The following HTR3D variants were observed in gnomAD, a reference collection of about 807,000 sequenced individuals.
HTR3D encodes the protein 5-hydroxytryptamine (serotonin) receptor 3 family member D.
Under a neutral mutation model 45.8 loss-of-function variants are expected in HTR3D, and 47 were observed. That is an observed-to-expected ratio of 1.03 (90% CI 0.81 to 1.31). The LOEUF is 1.31. Ranked by LOEUF, HTR3D falls within the 50% of genes most tolerant of loss-of-function variation. The probability of loss-of-function intolerance (pLI) is 0.00; values close to 1 mark genes in which losing one functional copy is unlikely to be tolerated. For missense variants in HTR3D, 448 were observed against 506.9 expected, an observed-to-expected ratio of 0.88 and a Z score of 1.12; for synonymous variants, 203 against 199.8, an observed-to-expected ratio of 1.02 and a Z score of -0.13.
chr3:184,035,910 C>T (rs1433864536), intron 2 of HTR3D, 105 bp from the exon 3 acceptor site: 1 of 1,148,604 alleles, frequency 8.7e-7, no homozygotes, highest in East Asian at 2.6e-5. Flanking sequence ...CTAGGCTGGT[C>T]CTGAACTCCT....
chr3:184,037,876 G>T, intron 5 of HTR3D, 145 bp from the exon 6 acceptor site: 4 of 990,284 alleles, frequency 4.0e-6, no homozygotes, highest in Non-Finnish European at 5.8e-6. Context: ...GCCTTTGGAT[G>T]AAAAGACCGG....
At chr3:184,032,819 T>C (rs1722785903) in intron 1 of HTR3D, 3 of 1,539,802 alleles carry the variant, frequency 1.9e-6, no homozygotes, top group South Asian at 1.2e-5. Flanking sequence ...CAGTGCCCCC[T>C]GTTTTCTCTC....
chr3:184,038,122 A>G lies in HTR3D; in HGVS notation c.618A>G (p.Pro206=). 3 of 1,614,122 alleles carry G rather than the reference A, an allele frequency of 1.9e-6. No homozygotes were observed. The highest frequency in any genetic ancestry group is 2.5e-6 in the Non-Finnish European group (3 of 1,180,024). Residue 206 remains proline, a synonymous_variant, in exon 6 of 8, where the codon CCA becomes CCG. Coordinates refer to ENST00000428798, the MANE Select transcript of HTR3D (RefSeq NM_001145143.1). The surrounding 1 kb of genome is among the most constrained non-coding windows in gnomAD (Gnocchi z 4.5). ...TCGATGCCCTCAGTTTCTACCTGCC[A>G]CTGGAAAGTGGGAATTGTGCCCCAT... is the stretch of plus-strand genomic sequence containing the variant. ...IAIDALSFYL[P]LESGNCAPFK...
At position 184,038,900 on chromosome 3, in the gene HTR3D, C is replaced by T. The variant is rs531431472; in HGVS notation, c.1140C>T (p.Asp380=). The change falls in exon 8 of 8, where the codon GAC becomes GAT. Residue 380 remains aspartate, a synonymous_variant. Transcript: ENST00000428798. This position sits in a 1 kb window ranked among gnomAD's most constrained non-coding sequence, Gnocchi z 4.5. ...ELWVQFSHAM[D]ALLFRLYLLF... is the part of the protein sequence containing the mutation. Reference sequence around the variant, plus strand: ...GGGTGCAGTTCAGCCACGCGATGGACGCCCTGCTCTTCCGCCTCTACCTGC... The same window carrying T: ...GGGTGCAGTTCAGCCACGCGATGGATGCCCTGCTCTTCCGCCTCTACCTGC... 59 of 1,614,220 alleles carry T rather than the reference C, an allele frequency of 3.7e-5. 1 individual carries two copies. The Middle Eastern group carries it at 2.8e-3, about 77-fold the overall frequency.
chr3:184,035,916 C>G (rs1722871814), intron 2 of HTR3D, 99 bp from the exon 3 acceptor site: 2 of 1,237,912 alleles, frequency 1.6e-6, no homozygotes, highest in Admixed American at 4.9e-5. Flanking sequence ...TGGTCCTGAA[C>G]TCCTGACCTT....
At chr3:184,035,259 G>T (rs1236212200) in intron 2 of HTR3D, 37 bp downstream of exon 2, 1 of 1,533,942 alleles carries the variant, frequency 6.5e-7, no homozygotes. Flanking sequence ...CTCTACTCTG[G>T]TGCCTCTCTT....
Position 184,038,220 on chromosome 3 carries a change from C to T in HTR3D, c.716C>T (p.Thr239Ile), listed in dbSNP as rs767264778. The change falls in exon 6 of 8, where the codon ACT becomes ATT. Residue 239 changes from threonine to isoleucine, a missense_variant. Thr to Ile is a moderately conservative substitution (Grantham distance 89). Transcript: ENST00000428798. This position sits in a 1 kb window ranked among gnomAD's most constrained non-coding sequence, Gnocchi z 4.5. ...AATGACTTGCTCCCAGCCACTAGCA[C>T]TTCATCACATGCTTCACTAGTACGT... Reference protein sequence around the residue: ...MMNDLLPATSTSSHASLVRPH... With the variant: ...MMNDLLPATSISSHASLVRPH... 1.7e-5 allele frequency: 28 copies of T among 1,614,202 alleles called. No individual in the cohort carries two copies. Among genetic ancestry groups the T allele is most frequent in the Non-Finnish European group, 4.2e-6 (5 of 1,180,026 alleles).
chr3:184,036,036 G>A lies in HTR3D; in HGVS notation c.133G>A (p.Gly45Ser), dbSNP rs754032433. 1 of 1,551,596 alleles carries A rather than the reference G, an allele frequency of 6.4e-7. No homozygotes were observed. The highest frequency in any genetic ancestry group is 1.2e-5 in the South Asian group (1 of 84,054). Residue 45 changes from glycine (G) to serine (S), a missense_variant, in exon 3 of 8, where the codon GGC (glycine) becomes AGC (serine). Physicochemically the swap from Gly to Ser is moderately conservative, Grantham distance 56 (BLOSUM62 0). Coordinates refer to ENST00000428798, the MANE Select transcript of HTR3D (RefSeq NM_001145143.1). ...GCAGTGGAACCCAGATGAATGCGGA[G>A]GCATCAAGAAGTCCGGCATGGCAAC... ...LNMWNPDECG[G>S]IKKSGMATEN... is the part of the protein sequence containing the mutation.
At chr3:184,032,684 T>C (rs548806268) in intron 1 of HTR3D, 3 of 655,700 alleles carry the variant, frequency 4.6e-6, no homozygotes, top group East Asian at 5.5e-5. Context: ...AGGTTTTGCA[T>C]GGGGACAAAA....
At position 184,038,412 on chromosome 3, in the gene HTR3D, T is replaced by A; in HGVS notation, c.773T>A (p.Val258Asp). ...ATGCAGACCCCCTTGCCTGCAGGTG[T>A]CTACTTCGCCCTGTGCCTGTCCCTG... is the stretch of plus-strand genomic sequence containing the variant. ...PHPSRDQKRGVYFALCLSLMV... is the reference protein window; with the variant it reads ...PHPSRDQKRGDYFALCLSLMV... Residue 258 changes from valine to aspartate, a missense_variant, in exon 7 of 8, where the codon GTC becomes GAC. Transcript: ENST00000428798. The surrounding 1 kb of genome is among the most constrained non-coding windows in gnomAD (Gnocchi z 4.5). 1.9e-6 allele frequency: 3 copies of A among 1,614,126 alleles called. No individual in the cohort carries two copies. Among genetic ancestry groups the A allele is most frequent in the Non-Finnish European group, 2.5e-6 (3 of 1,180,018 alleles).
In HTR3D at chr3:184,038,017, C is replaced by G; in HGVS notation, c.517-4C>G. On this transcript the variant is annotated splice_polypyrimidine_tract_variant and splice_region_variant and intron_variant, in intron 5 of 7. Coordinates refer to ENST00000428798, the MANE Select transcript of HTR3D (RefSeq NM_001145143.1). The surrounding 1 kb of genome is among the most constrained non-coding windows in gnomAD (Gnocchi z 4.5). Reference sequence around the variant, plus strand: ...CACTTGCCCCTCCTTCTCCTCCCCACCAGGTGGCCATCAGGCGCAGGTGCA... The same window carrying G: ...CACTTGCCCCTCCTTCTCCTCCCCAGCAGGTGGCCATCAGGCGCAGGTGCA... 2 of 1,613,106 alleles carry G rather than the reference C, an allele frequency of 1.2e-6. No individual in the cohort carries two copies. Among genetic ancestry groups the G allele is most frequent in the East Asian group, 4.5e-5 (2 of 44,854 alleles).
intron 1 of HTR3D, among the ~76,000 whole-genome samples, chr3:184,033,378 C>T (rs1006809622): frequency 6.6e-6 from 1 of 152,054 alleles, no homozygotes; most frequent in Admixed American, 6.5e-5. Context: ...TCTGGGATTA[C>T]AGGCATGAGC....
chr3:184,038,785 G>T lies in HTR3D; in HGVS notation c.1025G>T (p.Gly342Val). The change falls in exon 8 of 8, where the codon GGC becomes GTC. Residue 342 changes from glycine to valine, a missense_variant. Physicochemically the swap from Gly to Val is moderately radical, Grantham distance 109 (BLOSUM62 -3). Coordinates refer to ENST00000428798, the MANE Select transcript of HTR3D (RefSeq NM_001145143.1). This position sits in a 1 kb window ranked among gnomAD's most constrained non-coding sequence, Gnocchi z 4.5. ...GAGGTATCAGCAGGGCAGATGCCAG[G>T]CCCTGGGGAGGCAGAGCTGACAGGG... is the stretch of plus-strand genomic sequence containing the variant. Reference protein sequence around the residue: ...EPEVSAGQMPGPGEAELTGGS... With the variant: ...EPEVSAGQMPVPGEAELTGGS... The T allele has an allele frequency of 6.2e-7, 1 of 1,612,614 alleles. No homozygotes were observed.
chr3:184,035,152 C>A, intron 1 of HTR3D, 26 bp from the exon 2 acceptor site: 4 of 1,551,732 alleles, frequency 2.6e-6, no homozygotes, highest in Non-Finnish European at 2.6e-6. Context: ...TGGAGTTAAT[C>A]ATCTAGATGA....
upstream of HTR3D, chr3:184,031,594 TC>T (rs1394538046): frequency 2.1e-5 from 13 of 612,610 alleles, no homozygotes; most frequent in Non-Finnish European, 3.9e-5. Flanking sequence ...TCTGTGACAT[TC>T]TTTTGTCACC....
At chr3:184,031,722 G>A, upstream of HTR3D, 1 of 1,542,248 alleles carries the variant, frequency 6.5e-7, no homozygotes, top group East Asian at 2.4e-5. Flanking sequence ...AGTACCCAGA[G>A]AAGTGCCAAA....
chr3:184,032,773 T>G, intron 1 of HTR3D: 1 of 1,301,184 alleles, frequency 7.7e-7, no homozygotes, highest in East Asian at 2.5e-5. Flanking sequence ...AGCCTACTCT[T>G]CCTGGACCAG....
At chr3:184,032,924 C>G (rs760313049) in intron 1 of HTR3D, 1 of 1,552,686 alleles carries the variant, frequency 6.4e-7, no homozygotes. Flanking sequence ...TATCAATTGC[C>G]CAGGCTTTGG....
rs775506876 is a variant in HTR3D at position 184,031,892 on chromosome 3, T to C, written c.66+85T>C. 8.7e-6 allele frequency: 8 copies of C among 923,034 alleles called. No individual in the cohort carries two copies. In the East Asian group the frequency reaches 1.9e-4, roughly 21 times the overall value. The allele number at this position is 923,034 out of a possible 1,614,324, so 57.2% of individuals were successfully genotyped here. On this transcript the variant is annotated intron_variant, in intron 1 of 7. Coordinates refer to ENST00000428798, the MANE Select transcript of HTR3D (RefSeq NM_001145143.1). Reference sequence around the variant, plus strand: ...CAGGCTAATATTTTTTATTCTGAGATAGTCAATGATTGGATGTTCGTTATG... The same window carrying C: ...CAGGCTAATATTTTTTATTCTGAGACAGTCAATGATTGGATGTTCGTTATG...
Sources: gnomAD v4.1 joint callset for allele counts (sites outside exome capture counted in the v4.1 genomes callset) on GRCh38, gnomAD v4.1.1 for gene constraint, Gnocchi (gnomAD v3.1) non-coding constraint, MANE v1.5 for transcripts, NCBI Gene and HGNC (gene_info 2026-07-23, HGNC 2026-07-21) for gene names.